INSR: variants seen among roughly 807,000 people sequenced by gnomAD.
The protein encoded by INSR is IR.
In INSR, 67 loss-of-function variants were observed where a neutral mutation model predicts 142.6. That is an observed-to-expected ratio of 0.47 (90% confidence interval 0.39 to 0.58). INSR has a LOEUF of 0.58. INSR is among the 20% of genes least tolerant of loss of function. The pLI, the probability that INSR is intolerant of heterozygous loss-of-function variation, is 0.00. For missense variants in INSR, 1,248 were observed against 1,833.2 expected, an observed-to-expected ratio of 0.68 and a Z score of 5.83; for synonymous variants, 756 against 743.1, an observed-to-expected ratio of 1.02 and a Z score of -0.28.
At chr19:7,157,714 C>A (rs1045192538) in intron 9 of INSR, among the ~76,000 whole-genome samples, 3 of 151,872 alleles carry the variant, frequency 2.0e-5, no homozygotes, top group African/African-American at 7.3e-5. Flanking sequence ...CTGCAACAGT[C>A]CCTGGAGAGC....
At chr19:7,158,045 G>GTATTATTATTATTAT (rs72379188) in intron 9 of INSR, among the ~76,000 whole-genome samples, 21 of 141,278 alleles carry the variant, frequency 1.5e-4, no homozygotes, top group African/African-American at 5.1e-4. Context: ...GAAGCTCCTG[G>GTATTATTATTATTAT]TATTATTATT....
At chr19:7,163,948 A>AAAAAAAAAAAATATATATATATATATAT (rs1411048837) in intron 8 of INSR, among the ~76,000 whole-genome samples, 1 of 136,030 alleles carries the variant, frequency 7.4e-6, no homozygotes, top group African/African-American at 3.2e-5. Context: ...AAAAAAAAAA[A>AAAAAAAAAAAATATATATATATATATAT]ATTAGCTGGA....
At chr19:7,258,990 T>C (rs1423598772) in intron 2 of INSR, among the ~76,000 whole-genome samples, 1 of 139,148 alleles carries the variant, frequency 7.2e-6, no homozygotes, top group East Asian at 2.0e-4. Flanking sequence ...TCCTCCTTCC[T>C]TCCTTCACTC....
At chr19:7,171,917 C>CTT (rs375076576) in intron 5 of INSR, among the ~76,000 whole-genome samples, 37,004 of 137,402 alleles carry the variant, frequency 0.27, 6,884 homozygotes, top group African/African-American at 0.52. Context: ...CTTTTCTTTT[C>CTT]TTTTTTTTTT....
At chr19:7,137,966 CTT>C (rs537243579) in intron 13 of INSR, among the ~76,000 whole-genome samples, 13 of 133,692 alleles carry the variant, frequency 9.7e-5, no homozygotes, top group African/African-American at 8.7e-5. Flanking sequence ...TTTTCTTTTT[CTT>C]TTTTTTTTTT....
At chr19:7,234,151 C>T (rs1174922432) in intron 2 of INSR, among the ~76,000 whole-genome samples, 1 of 151,968 alleles carries the variant, frequency 6.6e-6, no homozygotes, top group Non-Finnish European at 1.5e-5. Context: ...AGTGATGATC[C>T]GCCCACCTCA....
At chr19:7,151,442 A>ATT (rs35890851) in intron 10 of INSR, among the ~76,000 whole-genome samples, 7 of 142,180 alleles carry the variant, frequency 4.9e-5, no homozygotes, top group Admixed American at 3.6e-4. Flanking sequence ...ATGTCTGGCT[A>ATT]TTTTTTTTTT....
rs75229573 is a variant in INSR at position 7,264,786 on chromosome 19, A to G, written c.652+2559T>C. ...GCCCCTGACCTACAATATTCTCAGG[A>G]TTTTTCCACAGTGCAATAATAACGG... On this transcript the variant is annotated intron_variant, in intron 2 of 21. Transcript: ENST00000302850. Among the ~76,000 whole-genome samples, 1,146 of 152,180 alleles carry G rather than the reference A, an allele frequency of 7.5e-3. 19 individuals are homozygous for G. The highest frequency in any genetic ancestry group is 0.026 in the African/African-American group (1,095 of 41,520).
intron 7 of INSR, among the ~76,000 whole-genome samples, 158 bp downstream of exon 7, chr19:7,167,810 C>T (rs920038676): frequency 1.6e-4 from 24 of 151,952 alleles, no homozygotes; most frequent in African/African-American, 5.1e-4. Context: ...TGCATGCCAT[C>T]GACTGGTGAG....
intron 17 of INSR, among the ~76,000 whole-genome samples, chr19:7,123,768 C>T (rs2144808154): frequency 6.7e-6 from 1 of 150,252 alleles, no homozygotes; most frequent in Admixed American, 6.6e-5. Flanking sequence ...ACTAAAAATA[C>T]AAAAATTAGC....
intron 2 of INSR, among the ~76,000 whole-genome samples, chr19:7,199,747 A>G (rs971903025): frequency 3.3e-5 from 5 of 150,374 alleles, no homozygotes; most frequent in African/African-American, 1.2e-4. Context: ...CCCTACCTCG[A>G]CCCACCCAGA....
chr19:7,228,177 C>G (rs1237156396), intron 2 of INSR, among the ~76,000 whole-genome samples: 2 of 152,158 alleles, frequency 1.3e-5, no homozygotes, highest in East Asian at 3.9e-4. Context: ...GACCTATAGT[C>G]CAGCAGACTT....
chr19:7,227,616 C>T (rs150460041), intron 2 of INSR, among the ~76,000 whole-genome samples: 69 of 152,220 alleles, frequency 4.5e-4, no homozygotes, highest in African/African-American at 1.6e-3. Flanking sequence ...TTTTCCAAAG[C>T]ATGTGAGAGT....
chr19:7,155,797 C>A (rs977939273), intron 9 of INSR, among the ~76,000 whole-genome samples: 11 of 151,472 alleles, frequency 7.3e-5, no homozygotes, highest in Non-Finnish European at 1.2e-4. Flanking sequence ...GCCTGTAATC[C>A]CAGCTACTCA....
At chr19:7,133,788 G>A (rs1972841788) in intron 13 of INSR, among the ~76,000 whole-genome samples, 1 of 152,234 alleles carries the variant, frequency 6.6e-6, no homozygotes, top group South Asian at 2.1e-4. Flanking sequence ...CTTGAACCCA[G>A]GAGGTGGAGG....
intron 2 of INSR, among the ~76,000 whole-genome samples, chr19:7,197,314 C>G (rs1333193696): frequency 2.0e-5 from 2 of 100,512 alleles, no homozygotes; most frequent in South Asian, 3.3e-4. Flanking sequence ...TTCTTCTCTT[C>G]GGAGAGAGAG....
chr19:7,228,918 C>CTG (rs1975865335), intron 2 of INSR, among the ~76,000 whole-genome samples: 2 of 150,090 alleles, frequency 1.3e-5, no homozygotes, highest in African/African-American at 4.9e-5. Context: ...GAGAAGATTG[C>CTG]TGGGTGAGTG....
chr19:7,146,236 C>CCTTTTTTTTTTTT lies in INSR; in HGVS notation c.2268-3147_2268-3146insAAAAAAAAAAAAG, dbSNP rs1424523294. ...TTCAGTGCAGTATCTTTGTCAAGTT[C>CCTTTTTTTTTTTT]TTTTTTTTTTTTTTTTTTTTTTGAG... On this transcript the variant is annotated intron_variant, in intron 11 of 21. Coordinates refer to ENST00000302850, the MANE Select transcript of INSR (RefSeq NM_000208.4). 2.5e-4 allele frequency among the ~76,000 whole-genome samples: 28 copies of CCTTTTTTTTTTTT among 110,756 alleles called. 14 individuals carry two copies. Among genetic ancestry groups the CCTTTTTTTTTTTT allele is most frequent in the Non-Finnish European group, 1.9e-4 (10 of 53,232 alleles). 72.7% of individuals were successfully genotyped at this position (110,756 alleles called of 152,430 possible). A position where few individuals can be genotyped will look rare whatever the true frequency, so the allele number is the denominator to read the frequency against.
chr19:7,219,172 G>T (rs1376667041), intron 2 of INSR, among the ~76,000 whole-genome samples: 1 of 152,172 alleles, frequency 6.6e-6, no homozygotes, highest in African/African-American at 2.4e-5. Flanking sequence ...GGCTTCCCAG[G>T]ACCTGGGGAA....
Sources: allele counts gnomAD v4.1 joint callset (sites outside exome capture counted in the v4.1 genomes callset), GRCh38; gene constraint gnomAD v4.1.1; transcripts MANE v1.5; gene names NCBI Gene and HGNC (gene_info 2026-07-23, HGNC 2026-07-21).